The following MAML3 variants were observed in gnomAD, a reference collection of about 807,000 sequenced individuals.
The protein encoded by MAML3 is mastermind like transcriptional coactivator 3, also known as mastermind-like protein 3.
Under a neutral mutation model 101.9 loss-of-function variants are expected in MAML3, and 27 were observed. That is an observed-to-expected ratio of 0.27 (90% CI 0.20 to 0.37). The LOEUF is 0.37. MAML3 is among the 10% of genes least tolerant of loss of function. The pLI is 1.00. For missense variants in MAML3, 1,316 were observed against 1,444.9 expected, an observed-to-expected ratio of 0.91 and a Z score of 1.45; for synonymous variants, 501 against 555.9, an observed-to-expected ratio of 0.90 and a Z score of 1.39.
chr4:139,966,060 T>TA (rs761261179), intron 1 of MAML3, among the ~76,000 whole-genome samples: 53 of 152,192 alleles, frequency 3.5e-4, no homozygotes, highest in Admixed American at 5.9e-4. Flanking sequence ...ACCAAGCAAA[T>TA]AAAAAGCCAC....
intron 3 of MAML3, among the ~76,000 whole-genome samples, chr4:139,727,508 G>GGCTCTGTCTCTCTCTA (rs1480996457): frequency 6.6e-6 from 1 of 152,166 alleles, no homozygotes; most frequent in Non-Finnish European, 1.5e-5. Flanking sequence ...GTTCCATCCT[G>GGCTCTGTCTCTCTCTA]GCTCTGTCTC....
At chr4:139,870,377 G>A (rs534706079) in intron 2 of MAML3, among the ~76,000 whole-genome samples, 1 of 152,150 alleles carries the variant, frequency 6.6e-6, no homozygotes, top group East Asian at 1.9e-4. Flanking sequence ...TGGTGATTGG[G>A]GAACAAAACA....
chr4:139,750,039 A>T (rs1729455916), intron 2 of MAML3, among the ~76,000 whole-genome samples: 1 of 152,174 alleles, frequency 6.6e-6, no homozygotes, highest in Admixed American at 6.5e-5. Context: ...TTGTACCCTG[A>T]AGTGCCAATA....
intron 2 of MAML3, among the ~76,000 whole-genome samples, chr4:139,752,077 T>G (rs1729520715): frequency 6.6e-6 from 1 of 152,190 alleles, no homozygotes; most frequent in Non-Finnish European, 1.5e-5. Context: ...GGGATTCGAA[T>G]TCTAACTTTC....
intron 1 of MAML3, among the ~76,000 whole-genome samples, chr4:139,984,520 A>C (rs1734500889): frequency 6.6e-6 from 1 of 152,226 alleles, no homozygotes; most frequent in African/African-American, 2.4e-5. Flanking sequence ...TAGCCTACAC[A>C]AAAGAGGATC....
chr4:139,943,676 A>G (rs1578610118), intron 1 of MAML3, among the ~76,000 whole-genome samples: 1 of 152,172 alleles, frequency 6.6e-6, no homozygotes, highest in Non-Finnish European at 1.5e-5. Flanking sequence ...ATCAACTTGA[A>G]TTCAATGCCT....
chr4:139,957,202 C>T (rs1362768282), intron 1 of MAML3, among the ~76,000 whole-genome samples: 1 of 152,226 alleles, frequency 6.6e-6, no homozygotes, highest in Non-Finnish European at 1.5e-5. Flanking sequence ...AGATACCTTG[C>T]AATGGGCTTT....
chr4:139,868,098 G>A (rs1196547936), intron 2 of MAML3, among the ~76,000 whole-genome samples: 1 of 152,222 alleles, frequency 6.6e-6, no homozygotes, highest in Non-Finnish European at 1.5e-5. Context: ...GTGGGTGTGA[G>A]TGTGTGTGTA....
rs578234889 is a variant in MAML3, at chr4:139,976,942, CTGTATTCCCCCAAAATTCATATGTTAAA to C, written c.469-86003_469-85976del. On this transcript the variant is annotated intron_variant, in intron 1 of 4. Coordinates refer to ENST00000509479, the MANE Select transcript of MAML3 (RefSeq NM_018717.5). ...GGCCCAGGTACTATGGTCTGAATGGCTGTATTCCCCCAAAATTCATATGTTAAAACCTGATCATCAATGTGCCATATTA... is the reference window on the plus strand; with the variant it reads ...GGCCCAGGTACTATGGTCTGAATGGCACCTGATCATCAATGTGCCATATTA... Among the ~76,000 whole-genome samples, 617 of 152,182 alleles carry C rather than the reference CTGTATTCCCCCAAAATTCATATGTTAAA, an allele frequency of 4.1e-3. 4 individuals carry two copies. Among genetic ancestry groups the C allele is most frequent in the African/African-American group, 0.014 (570 of 41,516 alleles).
At chr4:139,993,111 G>A (rs1184913028) in intron 1 of MAML3, among the ~76,000 whole-genome samples, 2 of 152,130 alleles carry the variant, frequency 1.3e-5, no homozygotes, top group Non-Finnish European at 2.9e-5. Flanking sequence ...CAGCACTTTG[G>A]GAGGCTGAGG....
At chr4:139,820,331 A>G (rs1176562696) in intron 2 of MAML3, among the ~76,000 whole-genome samples, 2 of 152,226 alleles carry the variant, frequency 1.3e-5, no homozygotes, top group Non-Finnish European at 2.9e-5. Context: ...GAAGAAAAAT[A>G]AAGAGAAACA....
chr4:139,974,747 T>C (rs1734298616), intron 1 of MAML3, among the ~76,000 whole-genome samples: 1 of 152,162 alleles, frequency 6.6e-6, no homozygotes, highest in Non-Finnish European at 1.5e-5. Flanking sequence ...CCATATATTA[T>C]ATTGTATTTA....
chr4:139,753,552 C>T (rs545735270), intron 2 of MAML3, among the ~76,000 whole-genome samples: 3 of 152,140 alleles, frequency 2.0e-5, no homozygotes, highest in South Asian at 4.2e-4. Context: ...AACCTTGAGT[C>T]TAAAACTACC....
intron 2 of MAML3, among the ~76,000 whole-genome samples, chr4:139,792,896 C>G (rs943807114): frequency 6.6e-6 from 1 of 152,086 alleles, no homozygotes; most frequent in Non-Finnish European, 1.5e-5. Flanking sequence ...AGGCGCCCAC[C>G]ACCAGGCCAG....
In MAML3 at chr4:139,889,492, C is replaced by T; in HGVS notation, c.1944G>A (p.Gln648=). Residue 648 remains glutamine, a synonymous_variant, in exon 2 of 5, where the codon CAG becomes CAA. Transcript: ENST00000509479. ...GGAGCTGTGGAGGTGGCGGCTGCTG[C>T]TGCTGCTGCTGCTGCTGTTGCTGTT... The part of the protein sequence containing the change: ...QQQQQQQQQQ[Q]QQPPPPQLQA... 1 of 1,610,178 alleles carries T rather than the reference C, an allele frequency of 6.2e-7. No homozygotes were observed. The highest frequency in any genetic ancestry group is 1.1e-5 in the South Asian group (1 of 90,914).
rs559520886 is a variant in MAML3 at position 140,151,588 on chromosome 4, G to A, written c.468+1272C>T. On this transcript the variant is annotated intron_variant, in intron 1 of 4. Coordinates refer to ENST00000509479, the MANE Select transcript of MAML3 (RefSeq NM_018717.5). ...CGCCCCTGCCGGGCTCTGCGCCGCC[G>A]ATCGCTGGGCGGTCTGCACGGGAAA... Among the ~76,000 whole-genome samples, 521 of 151,954 alleles carry A rather than the reference G, an allele frequency of 3.4e-3. 1 individual carries two copies. Among genetic ancestry groups the A allele is most frequent in the African/African-American group, 0.012 (498 of 41,482 alleles).
At position 139,777,264 on chromosome 4, in the gene MAML3, T is replaced by TC. The variant is rs537094573; in HGVS notation, c.2080-46598dup. 3.9e-5 allele frequency among the ~76,000 whole-genome samples: 6 copies of TC among 152,248 alleles called. No homozygotes were observed. The South Asian group carries it at 1.2e-3, about 32-fold the overall frequency. ...CAAAATAGAATTTCCGGTTCTTTGCTCCCCACTCCTGAAAACAATACCAAC... is the reference window on the plus strand; with the variant it reads ...CAAAATAGAATTTCCGGTTCTTTGCTCCCCCACTCCTGAAAACAATACCAAC... On this transcript the variant is annotated intron_variant, in intron 2 of 4. Coordinates refer to ENST00000509479, the MANE Select transcript of MAML3 (RefSeq NM_018717.5).
chr4:140,011,420 C>T (rs1726561261), intron 1 of MAML3, among the ~76,000 whole-genome samples: 1 of 140,396 alleles, frequency 7.1e-6, no homozygotes, highest in African/African-American at 2.5e-5. Flanking sequence ...TCTCGGCTCA[C>T]TGCAAGCTCC....
intron 1 of MAML3, among the ~76,000 whole-genome samples, chr4:139,892,519 C>T (rs1732520231): frequency 6.6e-6 from 1 of 151,668 alleles, no homozygotes; most frequent in East Asian, 1.9e-4. Context: ...TTACGCTTTG[C>T]CTCCATTCAT....
Sources: allele counts gnomAD v4.1 joint callset (sites outside exome capture counted in the v4.1 genomes callset), GRCh38; gene constraint gnomAD v4.1.1; transcripts MANE v1.5; gene names NCBI Gene and HGNC (gene_info 2026-07-23, HGNC 2026-07-21).